TYK2: variants seen among roughly 807,000 people sequenced by gnomAD.
TYK2 encodes tyrosine kinase 2.
TYK2 carries 65 observed loss-of-function variants against 130.9 expected under a neutral mutation model. That is an observed-to-expected ratio of 0.50 (90% CI 0.41 to 0.61). The LOEUF (loss-of-function observed/expected upper bound fraction) is 0.61. TYK2 is among the 20% of genes least tolerant of loss of function. The pLI is 0.00. For missense variants in TYK2, 1,378 were observed against 1,610.7 expected (o/e 0.86, Z 2.47); for synonymous variants, 647 against 658.9 (o/e 0.98, Z 0.28).
At position 10,357,916 on chromosome 19, in the gene TYK2, G is replaced by T; in HGVS notation, c.2314C>A (p.Arg772=). ...GCCAGCCAGGGGATCCTCTCCACCCGCTCTGGGAGGCCAAGGTCAGAGGTC... is the reference window on the plus strand; with the variant it reads ...GCCAGCCAGGGGATCCTCTCCACCCTCTCTGGGAGGCCAAGGTCAGAGGTC... ...VGLGALSREE[R]VERIPWLAPE... The change falls in exon 17 of 25, where the codon CGG becomes AGG. Residue 772 remains arginine, a splice_region_variant and synonymous_variant. Coordinates refer to ENST00000525621, the MANE Select transcript of TYK2 (RefSeq NM_003331.5). 6.2e-7 allele frequency: 1 copy of T among 1,613,512 alleles called. No homozygotes were observed. Among genetic ancestry groups the T allele is most frequent in the Non-Finnish European group, 8.5e-7 (1 of 1,180,022 alleles).
intron 3 of TYK2, among the ~76,000 whole-genome samples, chr19:10,371,548 G>A (rs1432971737): frequency 1.3e-5 from 2 of 152,046 alleles, no homozygotes; most frequent in African/African-American, 4.8e-5. Flanking sequence ...GCTGAGGCAG[G>A]AGAATTGAAC....
intron 5 of TYK2, among the ~76,000 whole-genome samples, chr19:10,367,501 T>C (rs1328273442): frequency 6.6e-6 from 1 of 152,112 alleles, no homozygotes; most frequent in Non-Finnish European, 1.5e-5. Flanking sequence ...GGCGGGCTTC[T>C]GTAATCTCAG....
chr19:10,376,265 A>G (rs986803488), intron 3 of TYK2, among the ~76,000 whole-genome samples: 10 of 106,342 alleles, frequency 9.4e-5, no homozygotes, highest in Non-Finnish European at 1.8e-4. Context: ...TGCCCGCCTC[A>G]GCCTCTGAAA....
chr19:10,358,212 G>C, intron 15 of TYK2, 74 bp from the exon 16 acceptor site: 2 of 1,462,756 alleles, frequency 1.4e-6, no homozygotes, highest in Non-Finnish European at 1.8e-6. Flanking sequence ...GGTCCCCATA[G>C]GGACAGCCAA....
chr19:10,353,867 C>G lies in TYK2; in HGVS notation c.2908+175G>C, dbSNP rs2040940829. 2.6e-6 allele frequency: 2 copies of G among 770,172 alleles called. No individual in the cohort carries two copies. The highest frequency in any genetic ancestry group is 3.3e-5 in the South Asian group (2 of 59,776). The allele number at this position is 770,172 out of a possible 1,614,324, so 47.7% of individuals were successfully genotyped here. A position where few individuals can be genotyped will look rare whatever the true frequency, so the allele number is the denominator to read the frequency against. On this transcript the variant is annotated intron_variant, in intron 20 of 24. Coordinates refer to ENST00000525621, the MANE Select transcript of TYK2 (RefSeq NM_003331.5). The surrounding 1 kb of genome is among the most constrained non-coding windows in gnomAD (Gnocchi z 6.9). ...ATCCTGGCCCCAGCAGGTAGCACCC[C>G]CCAGATGGGAAGGAGGCAGCCCAGC...
At position 10,353,204 on chromosome 19, in the gene TYK2, G is replaced by A. The variant is rs772382257; in HGVS notation, c.3028-106C>T. ...GGCTGGGGGACAGTCAGGTCAGGCCGGTGGCTACCCGGCCGCTGGAGAGGG... is the reference window on the plus strand; with the variant it reads ...GGCTGGGGGACAGTCAGGTCAGGCCAGTGGCTACCCGGCCGCTGGAGAGGG... On this transcript the variant is annotated intron_variant, in intron 21 of 24. Transcript: ENST00000525621. The surrounding 1 kb of genome is among the most constrained non-coding windows in gnomAD (Gnocchi z 6.9). 3.2e-5 allele frequency: 34 copies of A among 1,051,782 alleles called. No individual in the cohort carries two copies. Among genetic ancestry groups the A allele is most frequent in the Non-Finnish European group, 4.1e-5 (32 of 771,626 alleles). 65.2% of individuals were successfully genotyped at this position (1,051,782 alleles called of 1,614,324 possible). A position where few individuals can be genotyped will look rare whatever the true frequency, so the allele number is the denominator to read the frequency against.
At position 10,353,833 on chromosome 19, in the gene TYK2, C is replaced by T. The variant is rs1056479937; in HGVS notation, c.2909-187G>A. On this transcript the variant is annotated intron_variant, in intron 20 of 24. Coordinates refer to ENST00000525621, the MANE Select transcript of TYK2 (RefSeq NM_003331.5). The surrounding 1 kb of genome is among the most constrained non-coding windows in gnomAD (Gnocchi z 6.9). ...TCTCACTTGAGGGAGCTGCTGGTGG[C>T]TCCCGTCCATCCTGGCCCCAGCAGG... The T allele has an allele frequency of 7.5e-5, 52 of 690,316 alleles. No homozygotes were observed. Among genetic ancestry groups the T allele is most frequent in the Non-Finnish European group, 1.1e-4 (45 of 413,140 alleles). 42.8% of individuals were successfully genotyped at this position (690,316 alleles called of 1,614,324 possible).
chr19:10,367,540 G>A (rs145007885), intron 5 of TYK2, among the ~76,000 whole-genome samples: 7 of 151,528 alleles, frequency 4.6e-5, no homozygotes, highest in East Asian at 3.9e-4. Flanking sequence ...TGGAAGAATC[G>A]CTTCAACCTG....
chr19:10,354,432 C>T (rs1209858604), intron 19 of TYK2, 80 bp downstream of exon 19: 1 of 1,460,814 alleles, frequency 6.8e-7, no homozygotes, highest in East Asian at 2.3e-5. Flanking sequence ...TGAGAATCAC[C>T]TTAGGTAGGA....
At chr19:10,379,235 G>A (rs1448916895) in intron 2 of TYK2, among the ~76,000 whole-genome samples, 1 of 151,702 alleles carries the variant, frequency 6.6e-6, no homozygotes, top group East Asian at 2.0e-4. Context: ...AGGCTGAAGT[G>A]GGAGGATCTC....
chr19:10,366,733 T>TAAAAAAAAAAAAAAAAAA (rs750662938), intron 5 of TYK2, among the ~76,000 whole-genome samples, 153 bp from the exon 6 acceptor site: 1 of 101,918 alleles, frequency 9.8e-6, no homozygotes, highest in Non-Finnish European at 2.1e-5. Context: ...GCTGATGAGC[T>TAAAAAAAAAAAAAAAAAA]AAAAAAAAAA....
chr19:10,379,587 C>T lies in TYK2; in HGVS notation c.-21+28G>A, dbSNP rs531547596. On this transcript the variant is annotated intron_variant, in intron 2 of 24. Transcript: ENST00000525621. ...CTCTTAACACACCTCCCCAAAATAACCAGACAGGCAGATGTGGTCAAACAT... is the reference window on the plus strand; with the variant it reads ...CTCTTAACACACCTCCCCAAAATAATCAGACAGGCAGATGTGGTCAAACAT... The T allele has an allele frequency of 3.3e-5, 5 of 151,630 alleles. No individual in the cohort carries two copies. In the East Asian group the frequency reaches 7.7e-4, roughly 23 times the overall value. 9.4% of individuals were successfully genotyped at this position (151,630 alleles called of 1,614,324 possible). A position where few individuals can be genotyped will look rare whatever the true frequency, so the allele number is the denominator to read the frequency against.
In TYK2 at chr19:10,362,592, C is replaced by A. The variant is rs141250995; in HGVS notation, c.1433G>T (p.Ser478Ile). The A allele has an allele frequency of 1.3e-6, 2 of 1,553,696 alleles. No homozygotes were observed. Among genetic ancestry groups the A allele is most frequent in the Admixed American group, 2.0e-5 (1 of 51,164 alleles). Residue 478 changes from serine (S) to isoleucine (I), a missense_variant, in exon 10 of 25, where the codon AGC becomes ATC. Coordinates refer to ENST00000525621, the MANE Select transcript of TYK2 (RefSeq NM_003331.5). ...DGLYLIHWST[S>I]HPYRLILTVA... is the part of the protein sequence containing the mutation. The stretch of plus-strand genomic sequence containing the variant: ...TGTGAGGATCAGGCGGTAGGGGTGG[C>A]TGGTGCTCCAGTGAATGAGGTACAG...
intron 3 of TYK2, among the ~76,000 whole-genome samples, 151 bp downstream of exon 3, chr19:10,378,055 AGGGTGGAT>A (rs1457709553): frequency 2.3e-5 from 1 of 42,586 alleles, no homozygotes; most frequent in Non-Finnish European, 4.5e-5. Flanking sequence ...GGTGGTTGGG[AGGGTGGAT>A]GGGTGGGTGG....
At chr19:10,356,104 C>A (rs1001007494) in intron 18 of TYK2, among the ~76,000 whole-genome samples, 2 of 152,134 alleles carry the variant, frequency 1.3e-5, no homozygotes, top group African/African-American at 2.4e-5. Flanking sequence ...GGAGGCCAGG[C>A]GCAGTGGCTC....
At chr19:10,358,988 G>A (rs561667630) in intron 15 of TYK2, among the ~76,000 whole-genome samples, 187 bp downstream of exon 15, 14 of 152,216 alleles carry the variant, frequency 9.2e-5, no homozygotes, top group East Asian at 3.9e-4. Context: ...ATTTGAACCC[G>A]GGAGGCGAAG....
chr19:10,365,440 G>A (rs2041612672), intron 7 of TYK2, 77 bp downstream of exon 7: 1 of 1,598,354 alleles, frequency 6.3e-7, no homozygotes, highest in Non-Finnish European at 8.5e-7. Context: ...ACCCTCAGAG[G>A]CTAGGGTCAA....
At chr19:10,367,681 G>T (rs2041729084) in intron 5 of TYK2, among the ~76,000 whole-genome samples, 1 of 151,482 alleles carries the variant, frequency 6.6e-6, no homozygotes, top group Non-Finnish European at 1.5e-5. Flanking sequence ...AGCACTTTGG[G>T]AGGCCGAGGC....
At chr19:10,354,003 GC>G (rs749724877) in intron 20 of TYK2, 38 bp downstream of exon 20, 2 of 1,603,750 alleles carry the variant, frequency 1.2e-6, no homozygotes, top group African/African-American at 1.3e-5. Context: ...CTCTAACCAC[GC>G]CCCCTCAAGT....
Sources: allele counts gnomAD v4.1 joint callset (sites outside exome capture counted in the v4.1 genomes callset), GRCh38; gene constraint gnomAD v4.1.1; non-coding constraint Gnocchi (gnomAD v3.1); transcripts MANE v1.5; gene names NCBI Gene and HGNC (gene_info 2026-07-23, HGNC 2026-07-21).